The following CENPF variants were observed in gnomAD, a reference collection of about 807,000 sequenced individuals.
CENPF encodes the protein centromere protein F, also known as AH antigen.
In CENPF, 214 loss-of-function variants were observed where a neutral mutation model predicts 307.3. The observed-to-expected ratio is 0.70, with a 90% CI of 0.62 to 0.78. The LOEUF (loss-of-function observed/expected upper bound fraction) is 0.78, where lower values mean the gene tolerates loss of function less well. Ranked by LOEUF, CENPF falls within the 30% of genes least tolerant of loss-of-function variation. The pLI, the probability that CENPF is intolerant of heterozygous loss-of-function variation, is 0.00. For missense variants in CENPF, 3,401 were observed against 3,483.9 expected (o/e 0.98, Z 0.60); for synonymous variants, 1,259 against 1,270.6 (o/e 0.99, Z 0.19).
chr1:214,656,961 A>G lies in CENPF; in HGVS notation c.8514A>G (p.Glu2838=). Residue 2838 remains glutamate (E), a synonymous_variant, in exon 18 of 20, where the codon GAA becomes GAG. Transcript: ENST00000366955. ...TGTVMDTKVD[E]LTTEIKELKE... ...CTGTTATGGATACCAAGGTCGATGA[A>G]TTAACAACTGAGATCAAAGAACTGA... The G allele has an allele frequency of 6.2e-7, 1 of 1,611,108 alleles. No individual in the cohort carries two copies. The highest frequency in any genetic ancestry group is 1.3e-5 in the African/African-American group (1 of 74,772).
intron 11 of CENPF, among the ~76,000 whole-genome samples, chr1:214,639,009 AC>A (rs1658035041): frequency 6.6e-6 from 1 of 152,224 alleles, no homozygotes; most frequent in South Asian, 2.1e-4. Context: ...GGTGCTGTCT[AC>A]ATAAGCCCTT....
chr1:214,604,133 AG>A (rs1238985118), intron 1 of CENPF, among the ~76,000 whole-genome samples: 1 of 152,004 alleles, frequency 6.6e-6, no homozygotes, highest in Non-Finnish European at 1.5e-5. Flanking sequence ...GGCTTTTTGG[AG>A]GAGGTGGGGA....
At chr1:214,650,306 C>G (rs1259305899) in intron 14 of CENPF, among the ~76,000 whole-genome samples, 1 of 147,982 alleles carries the variant, frequency 6.8e-6, no homozygotes, top group African/African-American at 2.5e-5. Context: ...GTGGCTGGAG[C>G]CAGATGGAAA....
chr1:214,647,089 A>G lies in CENPF; in HGVS notation c.7519A>G (p.Ile2507Val), dbSNP rs763376628. Residue 2507 changes from isoleucine to valine, a missense_variant, in exon 13 of 20, where the codon ATT becomes GTT. Ile to Val is a conservative substitution (Grantham distance 29). Transcript: ENST00000366955. ...IVLQSSVNGL[I>V]QEVEDGKQKL... ...TTTGCAATCTTCAGTGAATGGCCTCATTCAAGAAGTAGAAGATGGCAAGCA... is the reference window on the plus strand; with the variant it reads ...TTTGCAATCTTCAGTGAATGGCCTCGTTCAAGAAGTAGAAGATGGCAAGCA... 1.9e-6 allele frequency: 3 copies of G among 1,614,084 alleles called. No individual in the cohort carries two copies. Among genetic ancestry groups the G allele is most frequent in the Non-Finnish European group, 1.7e-6 (2 of 1,179,990 alleles).
chr1:214,621,221 G>A (rs1401733810), intron 6 of CENPF, among the ~76,000 whole-genome samples: 2 of 152,200 alleles, frequency 1.3e-5, no homozygotes, highest in Non-Finnish European at 1.5e-5. Flanking sequence ...GATGCAGGGC[G>A]AGTGGGTTGG....
chr1:214,638,075 A>G lies in CENPF; in HGVS notation c.1582+74A>G. On this transcript the variant is annotated intron_variant, in intron 11 of 19. Transcript: ENST00000366955. ...GTGAGAGGGGATGGATGGCATTAAC[A>G]TATTAGAGAAACTCTTTGGATTTTT... 8.6e-6 allele frequency: 12 copies of G among 1,397,260 alleles called. No individual in the cohort carries two copies. The South Asian group carries it at 1.6e-4, about 19-fold the overall frequency. 86.6% of individuals were successfully genotyped at this position (1,397,260 alleles called of 1,614,324 possible). A position where few individuals can be genotyped will look rare whatever the true frequency, so the allele number is the denominator to read the frequency against.
chr1:214,657,473 A>G, intron 18 of CENPF, 64 bp downstream of exon 18: 2 of 1,212,106 alleles, frequency 1.7e-6, no homozygotes, highest in Non-Finnish European at 2.3e-6. Context: ...TGGTTCACAT[A>G]TAAAAAGACA....
Position 214,643,168 on chromosome 1 carries a change from A to T in CENPF, c.4830A>T (p.Gln1610His). Residue 1610 changes from glutamine (Q) to histidine (H), a missense_variant, in exon 12 of 20, where the codon CAA (glutamine) becomes CAT (histidine). Gln to His is a conservative substitution (Grantham distance 24). Coordinates refer to ENST00000366955, the MANE Select transcript of CENPF (RefSeq NM_016343.4). ...ATTTGTCAGAAAATGAACAGTGGCAACAGAAGCTGACAAGCGTGACTCTGG... is the reference window on the plus strand; with the variant it reads ...ATTTGTCAGAAAATGAACAGTGGCATCAGAAGCTGACAAGCGTGACTCTGG... Reference protein sequence around the residue: ...KQYLSENEQWQQKLTSVTLEM... With the variant: ...KQYLSENEQWHQKLTSVTLEM... The T allele has an allele frequency of 4.4e-6, 7 of 1,602,776 alleles. No homozygotes were observed. The highest frequency in any genetic ancestry group is 6.0e-6 in the Non-Finnish European group (7 of 1,176,364).
Position 214,643,359 on chromosome 1 carries a change from T to G in CENPF, c.4986+35T>G. On this transcript the variant is annotated intron_variant, in intron 12 of 19. Coordinates refer to ENST00000366955, the MANE Select transcript of CENPF (RefSeq NM_016343.4). ...TGGGATTTAAATGCCATTTCTCGGT[T>G]TACATGACTAGTGGACACTCAGTAA... The G allele has an allele frequency of 3.4e-6, 5 of 1,449,604 alleles. No homozygotes were observed. The South Asian group carries it at 8.1e-5, about 24-fold the overall frequency. The allele number at this position is 1,449,604 out of a possible 1,614,324, so 89.8% of individuals were successfully genotyped here.
chr1:214,636,071 C>G (rs574155187), intron 10 of CENPF, among the ~76,000 whole-genome samples: 25 of 152,004 alleles, frequency 1.6e-4, no homozygotes, highest in Non-Finnish European at 3.4e-4. Context: ...CATTCTAGTT[C>G]CTCTTCTATG....
chr1:214,626,687 C>A (rs1005211614), intron 7 of CENPF, among the ~76,000 whole-genome samples: 3 of 152,140 alleles, frequency 2.0e-5, no homozygotes, highest in African/African-American at 7.2e-5. Context: ...GTTGTCTAAT[C>A]AGTAAAATTG....
In CENPF at chr1:214,620,898, A is replaced by G. The variant is rs145606920; in HGVS notation, c.817A>G (p.Asn273Asp). The G allele has an allele frequency of 6.2e-7, 1 of 1,614,056 alleles. No individual in the cohort carries two copies. Among genetic ancestry groups the G allele is most frequent in the East Asian group, 2.2e-5 (1 of 44,888 alleles). Residue 273 changes from asparagine (N) to aspartate (D), a missense_variant, in exon 6 of 20, where the codon AAT becomes GAT. Physicochemically the swap from Asn to Asp is conservative, Grantham distance 23. Transcript: ENST00000366955. ...AGATGCTAATAGCAGTTTCTTTGAC[A>G]ATTCTAGCAGTCCTCATCTTTTGGA... ...KRDANSSFFD[N>D]SSSPHLLDQL...
rs1007463108 is a variant in CENPF, at chr1:214,659,931, T to A, written c.9141+903T>A. Among the ~76,000 whole-genome samples, 3 of 152,148 alleles carry A rather than the reference T, an allele frequency of 2.0e-5. No individual in the cohort carries two copies. Among genetic ancestry groups the A allele is most frequent in the Non-Finnish European group, 4.4e-5 (3 of 68,038 alleles). ...TACCTTGATTGCTCACTTGTCAGAGTTTGATCAAGTATGCGAGCTGATAAC... is the reference window on the plus strand; with the variant it reads ...TACCTTGATTGCTCACTTGTCAGAGATTGATCAAGTATGCGAGCTGATAAC... On this transcript the variant is annotated intron_variant, in intron 19 of 19. Coordinates refer to ENST00000366955, the MANE Select transcript of CENPF (RefSeq NM_016343.4). This position sits in a 1 kb window ranked among gnomAD's most constrained non-coding sequence, Gnocchi z 4.4.
At position 214,645,709 on chromosome 1, in the gene CENPF, C is replaced by G. The variant is rs758656373; in HGVS notation, c.6139C>G (p.Leu2047Val). ...GAGTTTGGAAAAGGACTCACAGGCACTGTCTTTGACAAAATGTGAGCTGGA... is the reference window on the plus strand; with the variant it reads ...GAGTTTGGAAAAGGACTCACAGGCAGTGTCTTTGACAAAATGTGAGCTGGA... The part of the protein sequence containing the change: ...LQSLEKDSQA[L>V]SLTKCELENQ... Residue 2047 changes from leucine to valine, a missense_variant, in exon 13 of 20, where the codon CTG (leucine) becomes GTG (valine). Coordinates refer to ENST00000366955, the MANE Select transcript of CENPF (RefSeq NM_016343.4). 13 of 1,614,178 alleles carry G rather than the reference C, an allele frequency of 8.1e-6. No individual in the cohort carries two copies. Among genetic ancestry groups the G allele is most frequent in the Admixed American group, 3.3e-5 (2 of 60,020 alleles).
chr1:214,611,359 G>A (rs1359652353), intron 1 of CENPF, among the ~76,000 whole-genome samples: 2 of 151,756 alleles, frequency 1.3e-5, no homozygotes, highest in Non-Finnish European at 2.9e-5. Context: ...TTTGAGCAGT[G>A]TTTTCTAATT....
intron 19 of CENPF, among the ~76,000 whole-genome samples, chr1:214,660,198 T>G (rs1339687347): frequency 2.0e-5 from 3 of 152,222 alleles, no homozygotes; most frequent in Non-Finnish European, 4.4e-5. Context: ...GGAATTATAC[T>G]TAGTAATAAA....
intron 1 of CENPF, chr1:214,603,523 G>A (rs1656943999): frequency 6.6e-6 from 1 of 152,294 alleles, no homozygotes. Context: ...TGGTTCGTAG[G>A]GGTGTCTGCG....
At position 214,640,338 on chromosome 1, in the gene CENPF, C is replaced by T. The variant is rs375816558; in HGVS notation, c.2000C>T (p.Thr667Met). Residue 667 changes from threonine (T) to methionine (M), a missense_variant, in exon 12 of 20, where the codon ACG becomes ATG. Transcript: ENST00000366955. ...KSHEYNERVR[T>M]LEMDRENLSV... ...CATGAATACAACGAGAGAGTAAGAA[C>T]GCTGGAGATGGACAGAGAAAACCTA... 9.9e-5 allele frequency: 159 copies of T among 1,613,786 alleles called. 2 individuals carry two copies. The South Asian group carries it at 1.5e-3, about 15-fold the overall frequency.
At chr1:214,655,108 T>C in intron 16 of CENPF, 133 bp from the exon 17 acceptor site, 3 of 556,930 alleles carry the variant, frequency 5.4e-6, no homozygotes, top group East Asian at 3.3e-5. Context: ...GTTTTGTGCA[T>C]CTTTAGATGT....
Sources: allele counts gnomAD v4.1 joint callset (sites outside exome capture counted in the v4.1 genomes callset), GRCh38; gene constraint gnomAD v4.1.1; non-coding constraint Gnocchi (gnomAD v3.1); transcripts MANE v1.5; gene names NCBI Gene and HGNC (gene_info 2026-07-23, HGNC 2026-07-21).